The following IRF2BP1 variants were observed in gnomAD, a reference collection of about 807,000 sequenced individuals.
IRF2BP1 encodes interferon regulatory factor 2 binding protein 1.
A neutral mutation model predicts 38.6 loss-of-function variants in IRF2BP1; 9 were observed. The observed-to-expected ratio is 0.23, with a 90% CI of 0.14 to 0.41. The LOEUF (loss-of-function observed/expected upper bound fraction) is 0.41. IRF2BP1 is among the 10% of genes least tolerant of loss of function. IRF2BP1 has a pLI of 1.00. For synonymous variants in IRF2BP1, 416 were observed against 383.4 expected (o/e 1.08, Z -0.99); for missense variants, 631 against 829.6 (o/e 0.76, Z 2.94).
In IRF2BP1 at chr19:45,884,722, G is replaced by A. The variant is rs1411860547; in HGVS notation, c.1053C>T (p.Pro351=). 1.2e-6 allele frequency: 2 copies of A among 1,610,738 alleles called. No homozygotes were observed. Among genetic ancestry groups the A allele is most frequent in the Non-Finnish European group, 8.5e-7 (1 of 1,179,316 alleles). ...CAGGGGCCGGCTCTGGGTACTGCTGGGGCAGGGCCTCCGCGGGAGCTGGCT... is the reference window on the plus strand; with the variant it reads ...CAGGGGCCGGCTCTGGGTACTGCTGAGGCAGGGCCTCCGCGGGAGCTGGCT... ...FREPAPAEAL[P]QQYPEPAPAA... Residue 351 remains proline (P), a synonymous_variant, in exon 1 of 1, where the codon CCC becomes CCT. Transcript: ENST00000302165.
chr19:45,884,065 G>A lies in IRF2BP1; in HGVS notation c.1710C>T (p.Thr570=). 1 of 1,603,818 alleles carries A rather than the reference G, an allele frequency of 6.2e-7. No homozygotes were observed. The highest frequency in any genetic ancestry group is 1.7e-5 in the Admixed American group (1 of 59,180). ...TAACTTTGATGTCTCCAGCAAGGAT[G>A]GTGGCGATCTCGCCCTGCATGAAGG... ...PWAFMQGEIA[T]ILAGDIKVKK... Residue 570 remains threonine (T), a synonymous_variant, in exon 1 of 1, where the codon ACC becomes ACT. Transcript: ENST00000302165.
rs1193493725 is a variant in IRF2BP1, at chr19:45,883,968, C to T, written c.*52G>A. Reference sequence around the variant, plus strand: ...CGGGGAGGGAATAATTTATCCGCGGCAGCGGTGGGTGGCAAAGGGGCAGAG... The same window carrying T: ...CGGGGAGGGAATAATTTATCCGCGGTAGCGGTGGGTGGCAAAGGGGCAGAG... On this transcript the variant is annotated 3_prime_UTR_variant, in exon 1 of 1. Coordinates refer to ENST00000302165, the MANE Select transcript of IRF2BP1 (RefSeq NM_015649.3). 11 of 1,470,796 alleles carry T rather than the reference C, an allele frequency of 7.5e-6. No homozygotes were observed. Among genetic ancestry groups the T allele is most frequent in the East Asian group, 2.4e-5 (1 of 42,246 alleles). The allele number at this position is 1,470,796 out of a possible 1,614,324, so 91.1% of individuals were successfully genotyped here. A position where few individuals can be genotyped will look rare whatever the true frequency, so the allele number is the denominator to read the frequency against.
Position 45,885,358 on chromosome 19 carries a change from C to G in IRF2BP1, c.417G>C (p.Gly139=). 6.2e-7 allele frequency: 1 copy of G among 1,608,780 alleles called. No homozygotes were observed. Among genetic ancestry groups the G allele is most frequent in the Non-Finnish European group, 8.5e-7 (1 of 1,179,594 alleles). The change falls in exon 1 of 1, where the codon GGG becomes GGC. Residue 139 remains glycine (G), a synonymous_variant. Coordinates refer to ENST00000302165, the MANE Select transcript of IRF2BP1 (RefSeq NM_015649.3). ...EYTLGSRLAN[G]LGREEAVAEG... Reference sequence around the variant, plus strand: ...CAGCCACGGCCTCCTCACGGCCCAGCCCATTGGCCAGGCGGGACCCCAGAG... The same window carrying G: ...CAGCCACGGCCTCCTCACGGCCCAGGCCATTGGCCAGGCGGGACCCCAGAG...
At position 45,886,100 on chromosome 19, in the gene IRF2BP1, G is replaced by T. The variant is rs1253245539; in HGVS notation, c.-326C>A. ...TCGGGCTCCCGCCGCTCTCGCCGCC[G>T]CCGCTGCAACGGCCGCCGCCGCCTC... is the stretch of plus-strand genomic sequence containing the variant. On this transcript the variant is annotated 5_prime_UTR_variant, in exon 1 of 1. Coordinates refer to ENST00000302165, the MANE Select transcript of IRF2BP1 (RefSeq NM_015649.3). The T allele has an allele frequency of 9.2e-6, 2 of 217,946 alleles. No individual in the cohort carries two copies. Among genetic ancestry groups the T allele is most frequent in the African/African-American group, 4.6e-5 (2 of 43,332 alleles). The allele number at this position is 217,946 out of a possible 1,614,324, so 13.5% of individuals were successfully genotyped here.
Position 45,885,099 on chromosome 19 carries a change from G to T in IRF2BP1, c.676C>A (p.Pro226Thr). The change falls in exon 1 of 1, where the codon CCC becomes ACC. Residue 226 changes from proline (P) to threonine (T), a missense_variant. This residue lies in a region of IRF2BP1 where 133 missense variants were observed against 232.2 expected (regional missense o/e 0.57). Coordinates refer to ENST00000302165, the MANE Select transcript of IRF2BP1 (RefSeq NM_015649.3). ...AGTAGCTGTTCCCGCACTGCTTTGG[G>T]GCGCCCGTGCCATTCCTCTGCCCGG... ...RGRAEEWHGR[P>T]KAVREQLLAL... 1 of 1,611,964 alleles carries T rather than the reference G, an allele frequency of 6.2e-7. No individual in the cohort carries two copies. The highest frequency in any genetic ancestry group is 8.5e-7 in the Non-Finnish European group (1 of 1,180,034).
Position 45,884,791 on chromosome 19 carries a change from C to T in IRF2BP1, c.984G>A (p.Arg328=), listed in dbSNP as rs776431944. 3.1e-6 allele frequency: 5 copies of T among 1,612,602 alleles called. No individual in the cohort carries two copies. The highest frequency in any genetic ancestry group is 4.2e-6 in the Non-Finnish European group (5 of 1,180,022). The change falls in exon 1 of 1, where the codon CGG becomes CGA. Residue 328 remains arginine, a synonymous_variant. Coordinates refer to ENST00000302165, the MANE Select transcript of IRF2BP1 (RefSeq NM_015649.3). ...YERRHGSGEW[R]QLGELLTDGV... Reference sequence around the variant, plus strand: ...CGTCGGTAAGCAGCTCGCCCAGCTGCCGCCATTCTCCTGATCCATGCCGGC... The same window carrying T: ...CGTCGGTAAGCAGCTCGCCCAGCTGTCGCCATTCTCCTGATCCATGCCGGC...
In IRF2BP1 at chr19:45,883,869, G is replaced by C; in HGVS notation, c.*151C>G. 4.5e-6 allele frequency: 3 copies of C among 673,942 alleles called. No individual in the cohort carries two copies. Among genetic ancestry groups the C allele is most frequent in the Non-Finnish European group, 7.0e-6 (3 of 428,670 alleles). The allele number at this position is 673,942 out of a possible 1,614,324, so 41.7% of individuals were successfully genotyped here. A position where few individuals can be genotyped will look rare whatever the true frequency, so the allele number is the denominator to read the frequency against. On this transcript the variant is annotated 3_prime_UTR_variant, in exon 1 of 1. Transcript: ENST00000302165. ...CAAGCTTTCTCCCCCCACCCACAAT[G>C]CATCTACCCCAGGGGACCCATCTGG... is the stretch of plus-strand genomic sequence containing the variant.
Position 45,884,237 on chromosome 19 carries a change from G to A in IRF2BP1, c.1538C>T (p.Thr513Ile), listed in dbSNP as rs1207428329. Residue 513 changes from threonine to isoleucine, a missense_variant, in exon 1 of 1, where the codon ACC (threonine) becomes ATC (isoleucine). By Grantham distance (89) the Thr-to-Ile change is moderately conservative. Coordinates refer to ENST00000302165, the MANE Select transcript of IRF2BP1 (RefSeq NM_015649.3). ...CACCGAGGGGCACTGGACGAAGTGG[G>A]TGTCTTCTAGCCGCTCCCTGCACAG... ...CTLCRERLED[T>I]HFVQCPSVPG... The A allele has an allele frequency of 6.2e-7, 1 of 1,610,126 alleles. No individual in the cohort carries two copies. Among genetic ancestry groups the A allele is most frequent in the Non-Finnish European group, 8.5e-7 (1 of 1,178,388 alleles).
Position 45,885,010 on chromosome 19 carries a change from T to A in IRF2BP1, c.765A>T (p.Arg255=). ...RFKKDHGLVG[R]VFAFDATARP... ...GGGCAGTAGCATCGAAGGCGAACAC[T>A]CGCCCCACCAGCCCGTGATCCTTCT... The change falls in exon 1 of 1, where the codon CGA becomes CGT. Residue 255 remains arginine (R), a synonymous_variant. Coordinates refer to ENST00000302165, the MANE Select transcript of IRF2BP1 (RefSeq NM_015649.3). 6.2e-7 allele frequency: 1 copy of A among 1,613,322 alleles called. No individual in the cohort carries two copies. The highest frequency in any genetic ancestry group is 8.5e-7 in the Non-Finnish European group (1 of 1,180,004).
chr19:45,886,024 G>T lies in IRF2BP1; in HGVS notation c.-250C>A. The T allele has an allele frequency of 2.4e-6, 1 of 410,502 alleles. No individual in the cohort carries two copies. The highest frequency in any genetic ancestry group is 4.9e-5 in the South Asian group (1 of 20,252). 25.4% of individuals were successfully genotyped at this position (410,502 alleles called of 1,614,324 possible). On this transcript the variant is annotated 5_prime_UTR_variant, in exon 1 of 1. Coordinates refer to ENST00000302165, the MANE Select transcript of IRF2BP1 (RefSeq NM_015649.3). ...GGCGCCCCCGCCCGGTCCGGGCTCC[G>T]AGCCGAGGCGCACAGCTCGGGCCCC...
chr19:45,884,395 G>A lies in IRF2BP1; in HGVS notation c.1380C>T (p.Ala460=), dbSNP rs1481726057. Residue 460 remains alanine (A), a synonymous_variant, in exon 1 of 1, where the codon GCC becomes GCT. Coordinates refer to ENST00000302165, the MANE Select transcript of IRF2BP1 (RefSeq NM_015649.3). ...GGASPAASST[A]QPPTQHRLVA... ...CAAGGCGATGCTGGGTTGGCGGCTGGGCCGTGGAGGAGGCTGCAGGGCTGG... is the reference window on the plus strand; with the variant it reads ...CAAGGCGATGCTGGGTTGGCGGCTGAGCCGTGGAGGAGGCTGCAGGGCTGG... 1 of 1,603,588 alleles carries A rather than the reference G, an allele frequency of 6.2e-7. No individual in the cohort carries two copies. Among genetic ancestry groups the A allele is most frequent in the Non-Finnish European group, 8.5e-7 (1 of 1,178,562 alleles).
At position 45,884,145 on chromosome 19, in the gene IRF2BP1, C is replaced by A; in HGVS notation, c.1630G>T (p.Val544Leu). 6.2e-7 allele frequency: 1 copy of A among 1,613,240 alleles called. No homozygotes were observed. ...FIKAQGPAGE[V>L]YCPSGDKCPL... is the part of the protein sequence containing the mutation. ...CACTTGTCTCCGCTCGGGCAGTACA[C>A]CTCCCCGGCCGGGCCCTGCGCCTTG... The change falls in exon 1 of 1, where the codon GTG (valine) becomes TTG (leucine). Residue 544 changes from valine to leucine, a missense_variant. By Grantham distance (32) the Val-to-Leu change is conservative (BLOSUM62 1). Coordinates refer to ENST00000302165, the MANE Select transcript of IRF2BP1 (RefSeq NM_015649.3).
chr19:45,884,628 C>A lies in IRF2BP1; in HGVS notation c.1147G>T (p.Ala383Ser). 6.3e-7 allele frequency: 1 copy of A among 1,599,890 alleles called. No individual in the cohort carries two copies. Among genetic ancestry groups the A allele is most frequent in the South Asian group, 1.1e-5 (1 of 90,938 alleles). ...NLAPTPRRRK[A>S]SPEPEGEAAG... The stretch of plus-strand genomic sequence containing the variant: ...GCCTCGCCCTCCGGCTCGGGGGATG[C>A]CTTGCGACGGCGCGGCGTGGGCGCC... Residue 383 changes from alanine (A) to serine (S), a missense_variant, in exon 1 of 1, where the codon GCA becomes TCA. Transcript: ENST00000302165.
Position 45,885,578 on chromosome 19 carries a change from G to A in IRF2BP1, c.197C>T (p.Ser66Leu), listed in dbSNP as rs1374482901. The change falls in exon 1 of 1, where the codon TCG becomes TTG. Residue 66 changes from serine (S) to leucine (L), a missense_variant. Around this residue, in one of 5 missense-constraint regions of IRF2BP1, gnomAD observed 206 missense variants for 207.0 expected, o/e 1.00. Transcript: ENST00000302165. ...KRSHVLPEGR[S>L]PGPPALKHPA... is the part of the protein sequence containing the mutation. ...GTGCTTAAGGGCCGGGGGCCCGGGC[G>A]AGCGGCCCTCGGGGAGCACGTGGCT... is the stretch of plus-strand genomic sequence containing the variant. The A allele has an allele frequency of 6.0e-6, 9 of 1,488,160 alleles. No homozygotes were observed. Among genetic ancestry groups the A allele is most frequent in the South Asian group, 2.5e-5 (2 of 79,166 alleles). The allele number at this position is 1,488,160 out of a possible 1,614,324, so 92.2% of individuals were successfully genotyped here.
rs562566739 is a variant in IRF2BP1, at chr19:45,884,520, C to A, written c.1255G>T (p.Val419Leu). The A allele has an allele frequency of 4.4e-6, 7 of 1,600,280 alleles. No individual in the cohort carries two copies. The highest frequency in any genetic ancestry group is 5.1e-6 in the Non-Finnish European group (6 of 1,179,538). ...TTCAGGGCGGCAATGGGCGAGGGCA[C>A]ACCAGGGGTCTCAGCGGAGTACGGG... ...GGPYSAETPGVPSPIAALKNV... is the reference protein window; with the variant it reads ...GGPYSAETPGLPSPIAALKNV... The change falls in exon 1 of 1, where the codon GTG (valine) becomes TTG (leucine). Residue 419 changes from valine to leucine, a missense_variant. Physicochemically the swap from Val to Leu is conservative, Grantham distance 32. Around this residue, in one of 5 missense-constraint regions of IRF2BP1, gnomAD observed 201 missense variants for 215.3 expected, o/e 0.93. Coordinates refer to ENST00000302165, the MANE Select transcript of IRF2BP1 (RefSeq NM_015649.3).
chr19:45,885,149 G>T lies in IRF2BP1; in HGVS notation c.626C>A (p.Ala209Glu). Reference protein sequence around the residue: ...EKQQRNADCLAELNEAMRGRA... With the variant: ...EKQQRNADCLEELNEAMRGRA... Reference sequence around the variant, plus strand: ...GCCTCGCATGGCCTCGTTCAGTTCTGCCAGACAGTCCGCATTCCTCTGCTG... The same window carrying T: ...GCCTCGCATGGCCTCGTTCAGTTCTTCCAGACAGTCCGCATTCCTCTGCTG... The change falls in exon 1 of 1, where the codon GCA (alanine) becomes GAA (glutamate). Residue 209 changes from alanine to glutamate, a missense_variant. Ala to Glu is a moderately radical substitution (Grantham distance 107). Coordinates refer to ENST00000302165, the MANE Select transcript of IRF2BP1 (RefSeq NM_015649.3). 6.2e-7 allele frequency: 1 copy of T among 1,610,838 alleles called. No individual in the cohort carries two copies. The highest frequency in any genetic ancestry group is 1.1e-5 in the South Asian group (1 of 91,084).
Position 45,884,610 on chromosome 19 carries a change from C to T in IRF2BP1, c.1165G>A (p.Gly389Ser), listed in dbSNP as rs1325382252. The T allele has an allele frequency of 1.9e-6, 3 of 1,599,418 alleles. No homozygotes were observed. Among genetic ancestry groups the T allele is most frequent in the Non-Finnish European group, 2.5e-6 (3 of 1,179,164 alleles). Residue 389 changes from glycine (G) to serine (S), a missense_variant, in exon 1 of 1, where the codon GGC (glycine) becomes AGC (serine). Physicochemically the swap from Gly to Ser is moderately conservative, Grantham distance 56. Transcript: ENST00000302165. Reference protein sequence around the residue: ...RRRKASPEPEGEAAGKMTTEE... With the variant: ...RRRKASPEPESEAAGKMTTEE... ...GTGGTCATCTTCCCAGCCGCCTCGC[C>T]CTCCGGCTCGGGGGATGCCTTGCGA...
Position 45,883,712 on chromosome 19 carries a change from C to G in IRF2BP1, c.*308G>C. 2 of 323,190 alleles carry G rather than the reference C, an allele frequency of 6.2e-6. No homozygotes were observed. Among genetic ancestry groups the G allele is most frequent in the Non-Finnish European group, 1.1e-5 (2 of 176,418 alleles). The allele number at this position is 323,190 out of a possible 1,614,324, so 20.0% of individuals were successfully genotyped here. On this transcript the variant is annotated 3_prime_UTR_variant, in exon 1 of 1. Transcript: ENST00000302165. Reference sequence around the variant, plus strand: ...GCCTCGTTTATAAAGAGCGAGTTTTCAGGAGGTCCCTTCTCAAGGAGGAGG... The same window carrying G: ...GCCTCGTTTATAAAGAGCGAGTTTTGAGGAGGTCCCTTCTCAAGGAGGAGG...
At position 45,884,710 on chromosome 19, in the gene IRF2BP1, T is replaced by A. The variant is rs781614264; in HGVS notation, c.1065A>T (p.Pro355=). ...CACAGAGAGCCGCAGGGGCCGGCTCTGGGTACTGCTGGGGCAGGGCCTCCG... is the reference window on the plus strand; with the variant it reads ...CACAGAGAGCCGCAGGGGCCGGCTCAGGGTACTGCTGGGGCAGGGCCTCCG... ...APAEALPQQY[P]EPAPAALCGP... Residue 355 remains proline (P), a synonymous_variant, in exon 1 of 1, where the codon CCA becomes CCT. Coordinates refer to ENST00000302165, the MANE Select transcript of IRF2BP1 (RefSeq NM_015649.3). 1.9e-6 allele frequency: 3 copies of A among 1,609,672 alleles called. No homozygotes were observed. Among genetic ancestry groups the A allele is most frequent in the Non-Finnish European group, 8.5e-7 (1 of 1,178,852 alleles).
Sources: gnomAD v4.1 joint callset for allele counts on GRCh38, gnomAD v4.1.1 for gene constraint, gnomAD v4.1.1 regional missense constraint, MANE v1.5 for transcripts, NCBI Gene and HGNC (gene_info 2026-07-23, HGNC 2026-07-21) for gene names.